The following MKLN1 variants were observed in gnomAD, a reference collection of about 807,000 sequenced individuals.
MKLN1 encodes muskelin 1, also known as muskelin.
A neutral mutation model predicts 99.0 loss-of-function variants in MKLN1; 18 were observed. The ratio of observed to expected loss-of-function variants is 0.18; its 90% CI spans 0.13 to 0.27. The LOEUF (loss-of-function observed/expected upper bound fraction) is 0.27. Ranked by LOEUF, MKLN1 falls within the 10% of genes least tolerant of loss-of-function variation. The pLI is 1.00. For synonymous variants in MKLN1, 288 were observed against 293.2 expected (o/e 0.98, Z 0.18); for missense variants, 621 against 875.9 (o/e 0.71, Z 3.67).
chr7:131,200,992 A>G (rs997145570), intron 2 of MKLN1, among the ~76,000 whole-genome samples: 2 of 151,988 alleles, frequency 1.3e-5, no homozygotes, highest in Non-Finnish European at 2.9e-5. Flanking sequence ...CCAAAACACT[A>G]CTTCCTCCTT....
chr7:131,192,607 T>C (rs1796584813), intron 2 of MKLN1, among the ~76,000 whole-genome samples: 1 of 150,550 alleles, frequency 6.6e-6, no homozygotes, highest in African/African-American at 2.4e-5. Context: ...AATGGCACGA[T>C]CTTAGCTCAC....
chr7:131,188,347 G>A (rs1282896311), intron 2 of MKLN1, among the ~76,000 whole-genome samples: 2 of 152,148 alleles, frequency 1.3e-5, no homozygotes, highest in African/African-American at 2.4e-5. Context: ...ACTATTTCTC[G>A]AGTCTGTGAA....
chr7:131,427,573 GAC>G (rs1795394281), intron 8 of MKLN1, among the ~76,000 whole-genome samples: 1 of 151,914 alleles, frequency 6.6e-6, no homozygotes, highest in Non-Finnish European at 1.5e-5. Flanking sequence ...CATTTTTTGA[GAC>G]AGAGTCTCAC....
intron 3 of MKLN1, among the ~76,000 whole-genome samples, chr7:131,257,444 C>G (rs1483607470): frequency 6.6e-6 from 1 of 152,056 alleles, no homozygotes; most frequent in East Asian, 1.9e-4. Flanking sequence ...TATGGGAAGC[C>G]TAAATTTAAG....
In MKLN1 at chr7:131,487,979, A is replaced by T. The variant is rs975010574; in HGVS notation, c.*251A>T. On this transcript the variant is annotated 3_prime_UTR_variant, in exon 18 of 18. Transcript: ENST00000352689. This position sits in a 1 kb window ranked among gnomAD's most constrained non-coding sequence, Gnocchi z 4.7. ...TTTCCAGTTAAATATATATATATAT[A>T]TATTTTTTCTTACTTTATCTTTTAA... The T allele has an allele frequency of 3.5e-5, 6 of 173,010 alleles. No individual in the cohort carries two copies. The highest frequency in any genetic ancestry group is 4.8e-5 in the Non-Finnish European group (4 of 83,236). The allele number at this position is 173,010 out of a possible 1,614,324, so 10.7% of individuals were successfully genotyped here. A position where few individuals can be genotyped will look rare whatever the true frequency, so the allele number is the denominator to read the frequency against.
At chr7:131,166,986 C>T (rs947636174) in intron 2 of MKLN1, among the ~76,000 whole-genome samples, 9 of 152,024 alleles carry the variant, frequency 5.9e-5, no homozygotes, top group African/African-American at 1.2e-4. Context: ...CCACTGCGTC[C>T]GGCCTAAGTA....
chr7:131,402,907 A>G (rs1354668864), intron 6 of MKLN1, among the ~76,000 whole-genome samples: 1 of 152,092 alleles, frequency 6.6e-6, no homozygotes, highest in African/African-American at 2.4e-5. Flanking sequence ...GATTCAGCTT[A>G]ATTCTTAAGG....
At chr7:131,159,787 A>T (rs552219466) in intron 2 of MKLN1, among the ~76,000 whole-genome samples, 1 of 152,318 alleles carries the variant, frequency 6.6e-6, no homozygotes, top group Admixed American at 6.5e-5. Context: ...CATAAACATT[A>T]TAATGGGAAA....
intron 2 of MKLN1, among the ~76,000 whole-genome samples, chr7:131,156,585 C>A (rs979843932): frequency 6.6e-6 from 1 of 151,862 alleles, no homozygotes; most frequent in Non-Finnish European, 1.5e-5. Context: ...AATCACCTAA[C>A]GCAAAGCCCA....
At position 131,200,897 on chromosome 7, in the gene MKLN1, A is replaced by AAAAAT. The variant is rs1796716807; in HGVS notation, c.-296-1959_-296-1958insAAATA. On this transcript the variant is annotated intron_variant, in intron 2 of 7. Coordinates refer to the MKLN1 transcript ENST00000416992. ...CTTATGTGTATCAAGCAATAGATTA[A>AAAAAT]AGCCAGTGCCACTGCTACTTTGTTT... 2.0e-5 allele frequency among the ~76,000 whole-genome samples: 3 copies of AAAAAT among 152,354 alleles called. No individual in the cohort carries two copies. The East Asian group carries it at 5.8e-4, about 29-fold the overall frequency.
chr7:131,128,088 C>G (rs1157913296), intron 1 of MKLN1, among the ~76,000 whole-genome samples: 2 of 151,574 alleles, frequency 1.3e-5, no homozygotes, highest in Non-Finnish European at 2.9e-5. Context: ...GATCAGTTGG[C>G]TGTGGAGGAA....
intron 9 of MKLN1, among the ~76,000 whole-genome samples, chr7:131,431,534 G>A (rs1412345051): frequency 6.6e-6 from 1 of 152,072 alleles, no homozygotes; most frequent in African/African-American, 2.4e-5. Context: ...TTTTATATAG[G>A]CTAGCCAGAG....
intron 3 of MKLN1, among the ~76,000 whole-genome samples, chr7:131,298,521 G>GT (rs1798328822): frequency 6.6e-6 from 1 of 152,150 alleles, no homozygotes; most frequent in Non-Finnish European, 1.5e-5. Context: ...TTTCACAGCT[G>GT]TATCTTGGGA....
intron 4 of MKLN1, among the ~76,000 whole-genome samples, chr7:131,390,040 T>C (rs960055734): frequency 3.9e-5 from 6 of 152,190 alleles, no homozygotes; most frequent in African/African-American, 1.4e-4. Context: ...GGAGAATAAT[T>C]ACTCTTTTGG....
At chr7:131,147,263 T>C (rs937233917) in intron 2 of MKLN1, among the ~76,000 whole-genome samples, 3 of 149,730 alleles carry the variant, frequency 2.0e-5, no homozygotes, top group Admixed American at 6.8e-5. Context: ...GGTTTCACCA[T>C]GTCATGCTAG....
intron 3 of MKLN1, among the ~76,000 whole-genome samples, chr7:131,263,347 TA>T (rs1475463526): frequency 1.8e-5 from 2 of 109,904 alleles, no homozygotes; most frequent in African/African-American, 3.5e-5. Context: ...CTACAATTAT[TA>T]ATAATAATAA....
chr7:131,487,732 AAG>A lies in MKLN1; in HGVS notation c.*7_*8del, dbSNP rs1256593712. ...GGTAGACCTCATCACACTGTAACTG[AAG>A]AGTCACTGGACACAGAAATGGAAAA... On this transcript the variant is annotated 3_prime_UTR_variant, in exon 18 of 18. Coordinates refer to ENST00000352689, the MANE Select transcript of MKLN1 (RefSeq NM_013255.5). This position sits in a 1 kb window ranked among gnomAD's most constrained non-coding sequence, Gnocchi z 4.7. The A allele has an allele frequency of 5.0e-6, 8 of 1,609,854 alleles. No homozygotes were observed. The Admixed American group carries it at 6.8e-5, about 14-fold the overall frequency.
Position 131,443,655 on chromosome 7 carries a change from C to G in MKLN1, c.1348C>G (p.Pro450Ala). The G allele has an allele frequency of 6.2e-7, 1 of 1,614,070 alleles. No homozygotes were observed. Among genetic ancestry groups the G allele is most frequent in the Non-Finnish European group, 8.5e-7 (1 of 1,179,918 alleles). Residue 450 changes from proline (P) to alanine (A), a missense_variant, in exon 11 of 18, where the codon CCT becomes GCT. Coordinates refer to ENST00000352689, the MANE Select transcript of MKLN1 (RefSeq NM_013255.5). ...TCGAGAGGACTCCTGTAATGCTGGG[C>G]CTGAGGACATCCAGTCTCGAATAGG... ...LLREDSCNAG[P>A]EDIQSRIGHC... is the part of the protein sequence containing the mutation.
At chr7:131,397,794 G>C (rs1244429677) in intron 5 of MKLN1, among the ~76,000 whole-genome samples, 1 of 152,060 alleles carries the variant, frequency 6.6e-6, no homozygotes, top group Non-Finnish European at 1.5e-5. Flanking sequence ...TTTTTAGTGG[G>C]ATAGTTTTGC....
Sources: gnomAD v4.1 joint callset for allele counts (sites outside exome capture counted in the v4.1 genomes callset) on GRCh38, gnomAD v4.1.1 for gene constraint, Gnocchi (gnomAD v3.1) non-coding constraint, MANE v1.5 for transcripts, NCBI Gene and HGNC (gene_info 2026-07-23, HGNC 2026-07-21) for gene names.